TLL1: variants seen among roughly 807,000 people sequenced by gnomAD.
TLL1 encodes the protein tolloid like 1, also known as tolloid-like protein 1.
Under a neutral mutation model 128.2 loss-of-function variants are expected in TLL1, and 49 were observed. That is an observed-to-expected ratio of 0.38 (90% CI 0.30 to 0.48). The LOEUF (loss-of-function observed/expected upper bound fraction) is 0.48. TLL1 is among the 20% of genes least tolerant of loss of function. TLL1 has a pLI of 0.96. For missense variants in TLL1, 1,123 were observed against 1,242.0 expected (o/e 0.90, Z 1.44); for synonymous variants, 454 against 418.8 (o/e 1.08, Z -1.03).
chr4:165,902,294 AAAAAAAAC>A (rs1312567732), intron 1 of TLL1, among the ~76,000 whole-genome samples: 6 of 151,414 alleles, frequency 4.0e-5, no homozygotes, highest in African/African-American at 7.3e-5. Flanking sequence ...CAGGTTATGA[AAAAAAAAC>A]AAAAAAACAA....
At chr4:166,025,514 C>A (rs1221396887) in intron 9 of TLL1, 83 bp downstream of exon 9, 12 of 1,142,146 alleles carry the variant, frequency 1.1e-5, no homozygotes, top group Non-Finnish European at 1.4e-5. Flanking sequence ...TTTGCTTTAT[C>A]CTTTATTCTT....
intron 7 of TLL1, among the ~76,000 whole-genome samples, chr4:166,013,100 AC>A (rs1459707375): frequency 6.6e-6 from 1 of 151,690 alleles, no homozygotes; most frequent in South Asian, 2.1e-4. Flanking sequence ...ACTGCCCGTT[AC>A]CCATATTTCT....
chr4:166,080,109 A>C (rs570829508), intron 18 of TLL1, among the ~76,000 whole-genome samples: 1 of 152,272 alleles, frequency 6.6e-6, no homozygotes, highest in South Asian at 2.1e-4. Flanking sequence ...CTAGAGGTCC[A>C]AGATTAAGTT....
In TLL1 at chr4:166,065,862, A is replaced by C. The variant is rs760392500; in HGVS notation, c.2187A>C (p.Ser729=). 2.5e-6 allele frequency: 4 copies of C among 1,605,928 alleles called. No individual in the cohort carries two copies. In the East Asian group the frequency reaches 8.9e-5, roughly 36 times the overall value. ...SKKGFKAHFF[S]DKDECSKDNG... is the part of the protein sequence containing the mutation. Reference sequence around the variant, plus strand: ...AGGGCTTCAAAGCACATTTTTTCTCAGGTATAAGCATTCACATGTTGTATG... The same window carrying C: ...AGGGCTTCAAAGCACATTTTTTCTCCGGTATAAGCATTCACATGTTGTATG... The change falls in exon 16 of 21, where the codon TCA becomes TCC. Residue 729 remains serine (S), a splice_region_variant and synonymous_variant. Coordinates refer to ENST00000061240, the MANE Select transcript of TLL1 (RefSeq NM_012464.5).
At chr4:165,969,354 T>C (rs1440641952) in intron 1 of TLL1, among the ~76,000 whole-genome samples, 1 of 152,154 alleles carries the variant, frequency 6.6e-6, no homozygotes, top group Non-Finnish European at 1.5e-5. Flanking sequence ...GTTTTACCTT[T>C]ATATATTTCA....
chr4:165,905,140 A>G (rs768890380), intron 1 of TLL1, among the ~76,000 whole-genome samples: 1 of 152,212 alleles, frequency 6.6e-6, no homozygotes, highest in Non-Finnish European at 1.5e-5. Flanking sequence ...ATTTTGGAAG[A>G]CTATTTGGCA....
intron 1 of TLL1, among the ~76,000 whole-genome samples, chr4:165,910,275 G>C (rs1444917809): frequency 2.6e-5 from 4 of 152,132 alleles, no homozygotes; most frequent in Non-Finnish European, 5.9e-5. Context: ...AACTTCTTGG[G>C]AGCAGATGAG....
chr4:165,926,440 G>T (rs2110897245), intron 1 of TLL1, among the ~76,000 whole-genome samples: 1 of 152,260 alleles, frequency 6.6e-6, no homozygotes, highest in African/African-American at 2.4e-5. Context: ...TTTTCAGTTT[G>T]TTCTTATCTC....
chr4:166,061,031 TAAAA>T (rs1354264560), intron 15 of TLL1, among the ~76,000 whole-genome samples: 2 of 152,162 alleles, frequency 1.3e-5, no homozygotes, highest in African/African-American at 4.8e-5. Flanking sequence ...ATCCATAAAA[TAAAA>T]TTAACCCACA....
chr4:165,932,046 C>T (rs945556744), intron 1 of TLL1, among the ~76,000 whole-genome samples: 5 of 152,066 alleles, frequency 3.3e-5, no homozygotes, highest in African/African-American at 1.2e-4. Context: ...TTTGCAGTTC[C>T]GTATGTCACA....
chr4:165,903,510 T>G (rs1561017910), intron 1 of TLL1, among the ~76,000 whole-genome samples: 1 of 149,902 alleles, frequency 6.7e-6, no homozygotes, highest in Non-Finnish European at 1.5e-5. Flanking sequence ...CCTCCTGGGT[T>G]CAAGCGATTC....
rs771463215 is a variant in TLL1 at position 166,039,380 on chromosome 4, T to A, written c.1200T>A (p.Ser400Arg). ...NFTTMDLYKS[S>R]LCWYDYIEVR... ...CAACGATGGATCTATACAAGAGTAG[T>A]TTGTGCTGGTATGACTATATTGAAG... The change falls in exon 10 of 21, where the codon AGT becomes AGA. Residue 400 changes from serine (S) to arginine (R), a missense_variant. Ser to Arg is a moderately radical substitution (Grantham distance 110). Transcript: ENST00000061240. The A allele has an allele frequency of 3.7e-6, 6 of 1,613,522 alleles. 1 individual carries two copies. In the South Asian group the frequency reaches 6.6e-5, roughly 18 times the overall value.
chr4:165,995,956 A>G (rs1008854719), intron 5 of TLL1, among the ~76,000 whole-genome samples: 3 of 151,984 alleles, frequency 2.0e-5, no homozygotes, highest in Non-Finnish European at 4.4e-5. Flanking sequence ...ATTTATATTT[A>G]TATAAATTAT....
intron 1 of TLL1, among the ~76,000 whole-genome samples, chr4:165,969,893 G>C (rs550277056): frequency 6.6e-6 from 1 of 152,174 alleles, no homozygotes; most frequent in East Asian, 1.9e-4. Flanking sequence ...ATCATATCAA[G>C]TATATTAGAA....
At chr4:166,079,076 A>G (rs1425807759) in intron 18 of TLL1, among the ~76,000 whole-genome samples, 1 of 152,184 alleles carries the variant, frequency 6.6e-6, no homozygotes, top group Non-Finnish European at 1.5e-5. Context: ...AGAGTTATCA[A>G]TTCATTTCAG....
intron 12 of TLL1, among the ~76,000 whole-genome samples, chr4:166,046,034 G>C (rs1256808447): frequency 6.6e-6 from 1 of 152,072 alleles, no homozygotes; most frequent in Non-Finnish European, 1.5e-5. Flanking sequence ...TCTCTCACTA[G>C]AATATGTCCA....
intron 1 of TLL1, among the ~76,000 whole-genome samples, chr4:165,910,270 C>T (rs987027147): frequency 1.3e-5 from 2 of 152,132 alleles, no homozygotes; most frequent in African/African-American, 4.8e-5. Context: ...GGAGTAACTT[C>T]TTGGGAGCAG....
intron 1 of TLL1, among the ~76,000 whole-genome samples, chr4:165,958,538 G>A (rs1227083458): frequency 6.1e-4 from 91 of 150,130 alleles, no homozygotes; most frequent in Non-Finnish European, 1.0e-3. Context: ...CATATCCTTT[G>A]CCCACTTTTT....
At chr4:165,900,578 C>T (rs1561015452) in intron 1 of TLL1, among the ~76,000 whole-genome samples, 1 of 152,234 alleles carries the variant, frequency 6.6e-6, no homozygotes, top group African/African-American at 2.4e-5. Context: ...TCTCTTCTGG[C>T]TTGCAGGGTT....
Sources: gnomAD v4.1 joint callset for allele counts (sites outside exome capture counted in the v4.1 genomes callset) on GRCh38, gnomAD v4.1.1 for gene constraint, MANE v1.5 for transcripts, NCBI Gene and HGNC (gene_info 2026-07-23, HGNC 2026-07-21) for gene names.